Variants in VPS13B observed in about 807,000 individuals in gnomAD.
VPS13B encodes the protein intermembrane lipid transfer protein VPS13B.
A neutral mutation model predicts 426.4 loss-of-function variants in VPS13B; 285 were observed. That is an observed-to-expected ratio of 0.67 (90% CI 0.61 to 0.74). The LOEUF is 0.74. Ranked by LOEUF, VPS13B falls within the 30% of genes least tolerant of loss-of-function variation. The pLI, the probability that VPS13B is intolerant of heterozygous loss-of-function variation, is 0.00. For missense variants in VPS13B, 4,537 were observed against 4,782.6 expected (o/e 0.95, Z 1.51); for synonymous variants, 1,676 against 1,676.4 (o/e 1.00, Z 0.01).
At chr8:99,229,097 A>T (rs550839119) in intron 17 of VPS13B, among the ~76,000 whole-genome samples, 8 of 152,148 alleles carry the variant, frequency 5.3e-5, no homozygotes, top group Non-Finnish European at 8.8e-5. Flanking sequence ...TGACCCTGTG[A>T]TGGAATTAGG....
chr8:99,845,909 T>A (rs1426863331), intron 54 of VPS13B, among the ~76,000 whole-genome samples: 3 of 152,218 alleles, frequency 2.0e-5, no homozygotes, highest in Non-Finnish European at 2.9e-5. Flanking sequence ...GGCCCACCAC[T>A]GAGCTGTGGA....
intron 3 of VPS13B, among the ~76,000 whole-genome samples, chr8:99,063,500 C>A (rs997059893): frequency 1.2e-4 from 18 of 152,208 alleles, no homozygotes; most frequent in African/African-American, 4.3e-4. Context: ...ACCTGCAAGG[C>A]AGCAGCCTGG....
At chr8:99,337,634 A>G (rs927027771) in intron 19 of VPS13B, among the ~76,000 whole-genome samples, 2 of 151,546 alleles carry the variant, frequency 1.3e-5, no homozygotes, top group Admixed American at 6.6e-5. Flanking sequence ...CAGGTCAGCT[A>G]TATGTGTGCA....
chr8:99,328,454 A>G (rs1052590959), intron 19 of VPS13B, among the ~76,000 whole-genome samples: 2 of 152,154 alleles, frequency 1.3e-5, no homozygotes, highest in African/African-American at 4.8e-5. Flanking sequence ...AGCTGGGAAA[A>G]CAGATATGAA....
At chr8:99,438,638 A>G (rs1235772145) in intron 22 of VPS13B, among the ~76,000 whole-genome samples, 1 of 152,162 alleles carries the variant, frequency 6.6e-6, no homozygotes, top group African/African-American at 2.4e-5. Flanking sequence ...AACCAAGACA[A>G]CCAACTGTAG....
intron 3 of VPS13B, among the ~76,000 whole-genome samples, chr8:99,062,437 G>A (rs1264880315): frequency 6.6e-6 from 1 of 152,044 alleles, no homozygotes; most frequent in Non-Finnish European, 1.5e-5. Flanking sequence ...TTCAACTGTT[G>A]AAGAGCATGG....
intron 15 of VPS13B, among the ~76,000 whole-genome samples, chr8:99,162,079 G>C (rs556160621): frequency 6.6e-6 from 1 of 152,160 alleles, no homozygotes; most frequent in East Asian, 1.9e-4. Context: ...ATCTTGTCTT[G>C]AATATTTCAT....
chr8:99,706,908 G>A (rs185846390), intron 36 of VPS13B, among the ~76,000 whole-genome samples: 2 of 152,240 alleles, frequency 1.3e-5, no homozygotes, highest in East Asian at 3.9e-4. Flanking sequence ...AGTGTTGCCT[G>A]TGGTCACAGG....
intron 17 of VPS13B, among the ~76,000 whole-genome samples, chr8:99,265,486 T>A (rs1361690179): frequency 3.3e-5 from 5 of 152,206 alleles, no homozygotes; most frequent in Admixed American, 6.5e-5. Flanking sequence ...GCCATATAGA[T>A]TCTAAGATAA....
At position 99,832,486 on chromosome 8, in the gene VPS13B, C is replaced by T. The variant is rs1383239374; in HGVS notation, c.9448C>T (p.Leu3150=). The T allele has an allele frequency of 1.3e-5, 21 of 1,613,214 alleles. No individual in the cohort carries two copies. In the Middle Eastern group the frequency reaches 6.7e-4, roughly 51 times the overall value. The change falls in exon 52 of 62, where the codon CTG becomes TTG. Residue 3150 remains leucine, a synonymous_variant. Transcript: ENST00000357162. ...GATGCCTGACATCAGTCAGTCAGTA[C>T]TGGATGCATCCCTGCTTCAGAAACA... is the stretch of plus-strand genomic sequence containing the variant. The part of the protein sequence containing the change: ...DLMPDISQSV[L]DASLLQKQIM...
intron 33 of VPS13B, among the ~76,000 whole-genome samples, chr8:99,580,931 G>C (rs1206137216): frequency 6.6e-6 from 1 of 150,842 alleles, no homozygotes; most frequent in East Asian, 2.0e-4. Context: ...GATCACTTGA[G>C]CTTAGGAGTT....
intron 17 of VPS13B, among the ~76,000 whole-genome samples, chr8:99,272,456 A>T (rs759310134): frequency 6.6e-6 from 1 of 152,212 alleles, no homozygotes; most frequent in African/African-American, 2.4e-5. Flanking sequence ...ACTGAATGAG[A>T]TAATGTACAT....
intron 7 of VPS13B, 132 bp downstream of exon 7, chr8:99,116,006 T>C (rs777642993): frequency 8.0e-5 from 77 of 968,060 alleles, no homozygotes; most frequent in Non-Finnish European, 1.2e-4. Flanking sequence ...TGTTTTTTGG[T>C]TGTTTTACAC....
At chr8:99,027,749 T>A (rs1339176007) in intron 2 of VPS13B, among the ~76,000 whole-genome samples, 3 of 152,132 alleles carry the variant, frequency 2.0e-5, no homozygotes, top group Non-Finnish European at 2.9e-5. Context: ...TTTTATTTTT[T>A]ATTTTTATTT....
At chr8:99,455,037 A>G (rs1459466338) in intron 23 of VPS13B, among the ~76,000 whole-genome samples, 1 of 152,102 alleles carries the variant, frequency 6.6e-6, no homozygotes, top group Non-Finnish European at 1.5e-5. Context: ...GTTTTGTCAG[A>G]TATTTTCTCC....
chr8:99,480,730 T>C (rs1048672410), intron 24 of VPS13B, among the ~76,000 whole-genome samples: 1 of 152,196 alleles, frequency 6.6e-6, no homozygotes, highest in Non-Finnish European at 1.5e-5. Flanking sequence ...TTGACAATAG[T>C]GTTTTTATGC....
chr8:99,802,450 A>G (rs542783205), intron 43 of VPS13B, among the ~76,000 whole-genome samples: 2 of 151,936 alleles, frequency 1.3e-5, no homozygotes, highest in African/African-American at 4.8e-5. Flanking sequence ...CCTATTAGAC[A>G]TTTTTTTTAT....
At chr8:99,298,217 G>A (rs959766857) in intron 19 of VPS13B, among the ~76,000 whole-genome samples, 1 of 152,136 alleles carries the variant, frequency 6.6e-6, no homozygotes, top group South Asian at 2.1e-4. Flanking sequence ...GGCCGGGTGC[G>A]GTGGCTTGCG....
rs539179249 is a variant in VPS13B at position 99,452,677 on chromosome 8, A to G, written c.3445+10042A>G. Among the ~76,000 whole-genome samples the G allele has an allele frequency of 7.6e-4, 116 of 152,340 alleles. 2 individuals carry two copies. Among genetic ancestry groups the G allele is most frequent in the South Asian group, 2.5e-3 (12 of 4,824 alleles). On this transcript the variant is annotated intron_variant, in intron 23 of 61. Transcript: ENST00000357162. Reference sequence around the variant, plus strand: ...AAATGAAAAAAAGGGGGGAAAAAGCATTACATAGATGATTAATAGGATGAA... The same window carrying G: ...AAATGAAAAAAAGGGGGGAAAAAGCGTTACATAGATGATTAATAGGATGAA...
Sources: gnomAD v4.1 joint callset for allele counts (sites outside exome capture counted in the v4.1 genomes callset) on GRCh38, gnomAD v4.1.1 for gene constraint, MANE v1.5 for transcripts, NCBI Gene and HGNC (gene_info 2026-07-23, HGNC 2026-07-21) for gene names.